Variants in FBRSL1 observed in about 807,000 individuals in gnomAD.
FBRSL1 encodes the protein fibrosin like 1.
In FBRSL1, 51 loss-of-function variants were observed where a neutral mutation model predicts 89.6. The observed-to-expected ratio is 0.57, with a 90% CI of 0.45 to 0.72. The LOEUF (loss-of-function observed/expected upper bound fraction) is 0.72. Among genes scored for constraint, FBRSL1 ranks in the 30% least tolerant of loss-of-function variants. FBRSL1 has a pLI of 0.00. For missense variants in FBRSL1, 1,618 were observed against 1,451.8 expected (o/e 1.11, Z -1.86); for synonymous variants, 779 against 681.1 (o/e 1.14, Z -2.24).
intron 5 of FBRSL1, among the ~76,000 whole-genome samples, chr12:132,556,504 C>T (rs1376751072): frequency 1.1e-4 from 14 of 128,274 alleles, no homozygotes; most frequent in Non-Finnish European, 1.3e-4. Context: ...GCACCCCAAC[C>T]CCTGTCCTGT....
chr12:132,556,155 T>C (rs1338731792), intron 5 of FBRSL1, among the ~76,000 whole-genome samples: 1 of 152,178 alleles, frequency 6.6e-6, no homozygotes, highest in Non-Finnish European at 1.5e-5. Context: ...AACATCCCTA[T>C]AGGTGGTTCT....
At chr12:132,517,974 T>G (rs1050252974) in intron 2 of FBRSL1, among the ~76,000 whole-genome samples, 8 of 152,072 alleles carry the variant, frequency 5.3e-5, no homozygotes, top group African/African-American at 1.2e-4. Context: ...GCAAATGTGG[T>G]GGAGCCAGGA....
chr12:132,564,577 G>A (rs1418410825), intron 5 of FBRSL1, among the ~76,000 whole-genome samples: 1 of 142,936 alleles, frequency 7.0e-6, no homozygotes, highest in African/African-American at 2.6e-5. Flanking sequence ...CTCACTGCAA[G>A]CTCCGCCTCC....
chr12:132,546,583 C>T lies in FBRSL1; in HGVS notation c.616-1420C>T, dbSNP rs1020271716. Among the ~76,000 whole-genome samples, 6 of 151,142 alleles carry T rather than the reference C, an allele frequency of 4.0e-5. No homozygotes were observed. The highest frequency in any genetic ancestry group is 2.1e-4 in the South Asian group (1 of 4,768). ...GGGACCCTAGGAGAGGGCTTGGCCACGGCTGAAAGGCCAGACCGGGGGGGA... is the reference window on the plus strand; with the variant it reads ...GGGACCCTAGGAGAGGGCTTGGCCATGGCTGAAAGGCCAGACCGGGGGGGA... On this transcript the variant is annotated intron_variant, in intron 4 of 18. Coordinates refer to ENST00000680143, the MANE Select transcript of FBRSL1 (RefSeq NM_001367871.1). The surrounding 1 kb of genome is among the most constrained non-coding windows in gnomAD (Gnocchi z 4.0).
chr12:132,568,804 T>C (rs1420266872), intron 6 of FBRSL1, among the ~76,000 whole-genome samples: 2 of 147,038 alleles, frequency 1.4e-5, no homozygotes. Flanking sequence ...GCAGCCTCTC[T>C]GTGGTCGCTG....
chr12:132,511,856 C>T (rs1288836034), intron 2 of FBRSL1: 1 of 806,844 alleles, frequency 1.2e-6, no homozygotes, highest in Non-Finnish European at 1.5e-6. Context: ...CGGGCCCCTT[C>T]CTCCGGTGCT....
At chr12:132,524,369 G>A (rs1427265190) in intron 2 of FBRSL1, among the ~76,000 whole-genome samples, 1 of 152,266 alleles carries the variant, frequency 6.6e-6, no homozygotes, top group Non-Finnish European at 1.5e-5. Context: ...CATGGGCCGG[G>A]GGCATTTGAC....
Position 132,570,452 on chromosome 12 carries a change from C to G in FBRSL1, c.1125C>G (p.Leu375=). The change falls in exon 8 of 19, where the codon CTC becomes CTG. Residue 375 remains leucine (L), a synonymous_variant. Transcript: ENST00000680143. ...LALRSQAQHQ[L]HAAMFAAPPT... ...TCCGGTCCCAGGCGCAGCACCAGCT[C>G]CACGCGGCCATGTTTGCCGCACCCC... The G allele has an allele frequency of 6.5e-7, 1 of 1,534,160 alleles. No homozygotes were observed.
At chr12:132,503,240 C>T (rs1306051834) in intron 1 of FBRSL1, among the ~76,000 whole-genome samples, 1 of 152,148 alleles carries the variant, frequency 6.6e-6, no homozygotes, top group East Asian at 1.9e-4. Context: ...GGTGGTCCTG[C>T]AGGGGCAGCC....
chr12:132,495,037 C>T (rs954227080), intron 1 of FBRSL1, among the ~76,000 whole-genome samples: 1 of 152,238 alleles, frequency 6.6e-6, no homozygotes, highest in Non-Finnish European at 1.5e-5. Flanking sequence ...TGGCCCAGAA[C>T]CCTGGTGGGC....
intron 4 of FBRSL1, among the ~76,000 whole-genome samples, chr12:132,541,263 ACG>A: frequency 6.6e-6 from 1 of 152,310 alleles, no homozygotes; most frequent in East Asian, 1.9e-4. Flanking sequence ...ACCCTGAGGC[ACG>A]TCAGGTGCAA....
chr12:132,572,671 T>C, intron 11 of FBRSL1, 49 bp downstream of exon 11: 1 of 1,320,940 alleles, frequency 7.6e-7, no homozygotes, highest in Non-Finnish European at 1.1e-6. Flanking sequence ...TGGGTGGATT[T>C]TGGGGGGAGT....
intron 14 of FBRSL1, among the ~76,000 whole-genome samples, 195 bp downstream of exon 14, chr12:132,574,759 TG>T (rs2040270243): frequency 6.6e-6 from 1 of 152,072 alleles, no homozygotes; most frequent in Non-Finnish European, 1.5e-5. Context: ...AGGGCAGTGC[TG>T]GGTGCCCGGG....
rs1393225972 is a variant in FBRSL1 at position 132,574,137 on chromosome 12, A to G, written c.1578A>G (p.Thr526=). 1.6e-5 allele frequency: 22 copies of G among 1,395,958 alleles called. No homozygotes were observed. Among genetic ancestry groups the G allele is most frequent in the Non-Finnish European group, 1.9e-5 (21 of 1,080,790 alleles). 86.5% of individuals were successfully genotyped at this position (1,395,958 alleles called of 1,614,324 possible). ...CCCGCCGGGCTGGTGCGGTTCACAC[A>G]CTCCTGCAGAAAGCGCCTGGGGTAG... ...EVARRAGAVH[T]LLQKAPGVSD... is the part of the protein sequence containing the mutation. Residue 526 remains threonine, a synonymous_variant, in exon 12 of 19, where the codon ACA becomes ACG. Transcript: ENST00000680143.
intron 9 of FBRSL1, chr12:132,571,554 G>A (rs771816940): frequency 8.2e-6 from 11 of 1,341,306 alleles, no homozygotes; most frequent in Admixed American, 7.6e-5. Context: ...GGCAGGGGGC[G>A]GGGGCGGGCG....
At chr12:132,573,778 C>T (rs1341826466) in intron 11 of FBRSL1, among the ~76,000 whole-genome samples, 1 of 152,196 alleles carries the variant, frequency 6.6e-6, no homozygotes, top group Non-Finnish European at 1.5e-5. Flanking sequence ...AGCAGCTCCT[C>T]CTGGGCTGGA....
chr12:132,531,394 T>G (rs951639801), intron 4 of FBRSL1, among the ~76,000 whole-genome samples: 1 of 150,672 alleles, frequency 6.6e-6, no homozygotes, highest in Non-Finnish European at 1.5e-5. Context: ...TGTGTGTATG[T>G]GTGTGTGCGT....
At chr12:132,507,222 T>A in intron 1 of FBRSL1, 1 of 985,536 alleles carries the variant, frequency 1.0e-6, no homozygotes, top group Non-Finnish European at 1.2e-6. Flanking sequence ...GGTTCTGTCC[T>A]GGGCTTCACT....
chr12:132,574,107 G>A lies in FBRSL1; in HGVS notation c.1548G>A (p.Glu516=), dbSNP rs1033147320. The A allele has an allele frequency of 5.9e-6, 8 of 1,353,194 alleles. No homozygotes were observed. In the South Asian group the frequency reaches 1.3e-4, roughly 22 times the overall value. The allele number at this position is 1,353,194 out of a possible 1,614,324, so 83.8% of individuals were successfully genotyped here. ...CCCCTCAGACTTCAAGCCCCATTGA[G>A]GTGGCCCGCCGGGCTGGTGCGGTTC... ...AFQPKTSSPI[E]VARRAGAVHT... is the part of the protein sequence containing the mutation. The change falls in exon 12 of 19, where the codon GAG becomes GAA. Residue 516 remains glutamate (E), a synonymous_variant. Coordinates refer to ENST00000680143, the MANE Select transcript of FBRSL1 (RefSeq NM_001367871.1).
Sources: gnomAD v4.1 joint callset for allele counts (sites outside exome capture counted in the v4.1 genomes callset) on GRCh38, gnomAD v4.1.1 for gene constraint, Gnocchi (gnomAD v3.1) non-coding constraint, MANE v1.5 for transcripts, NCBI Gene and HGNC (gene_info 2026-07-23, HGNC 2026-07-21) for gene names.